The following CCDC70 variants were observed in gnomAD, a reference collection of about 807,000 sequenced individuals.
CCDC70 encodes the protein coiled-coil domain-containing protein 70.
Under a neutral mutation model 9.1 loss-of-function variants are expected in CCDC70, and 4 were observed. The ratio of observed to expected loss-of-function variants is 0.44; its 90% CI spans 0.22 to 1.00. CCDC70 has a LOEUF of 1.00. Among genes scored for constraint, CCDC70 ranks in the 50% least tolerant of loss-of-function variants. The probability of loss-of-function intolerance (pLI) is 0.25; values close to 1 mark genes in which losing one functional copy is unlikely to be tolerated. For missense variants in CCDC70, 308 were observed against 271.3 expected, an observed-to-expected ratio of 1.14 and a Z score of -0.95; for synonymous variants, 119 against 94.0, an observed-to-expected ratio of 1.27 and a Z score of -1.54.
chr13:51,863,672 GACACACACACAC>G (rs35041555), intron 1 of CCDC70, among the ~76,000 whole-genome samples: 3 of 134,298 alleles, frequency 2.2e-5, no homozygotes, highest in Non-Finnish European at 4.9e-5. Flanking sequence ...CGCGCACACA[GACACACACACAC>G]ACACACACAC....
At position 51,865,485 on chromosome 13, in the gene CCDC70, T is replaced by C. The variant is rs373932579; in HGVS notation, c.74T>C (p.Ile25Thr). ...TCCCTGGCGGCATCCTCTCCCAGTATTCGCCAGAAGAAACTAATGCACAAG... is the reference window on the plus strand; with the variant it reads ...TCCCTGGCGGCATCCTCTCCCAGTACTCGCCAGAAGAAACTAATGCACAAG... ...FRSLAASSPS[I>T]RQKKLMHKLQ... is the part of the protein sequence containing the mutation. Residue 25 changes from isoleucine to threonine, a missense_variant, in exon 2 of 2, where the codon ATT (isoleucine) becomes ACT (threonine). Coordinates refer to ENST00000242819, the MANE Select transcript of CCDC70 (RefSeq NM_031290.4). The C allele has an allele frequency of 2.5e-6, 4 of 1,614,082 alleles. No individual in the cohort carries two copies. Among genetic ancestry groups the C allele is most frequent in the East Asian group, 2.2e-5 (1 of 44,892 alleles).
At position 51,866,191 on chromosome 13, in the gene CCDC70, G is replaced by C; in HGVS notation, c.*111G>C. 1.1e-6 allele frequency: 1 copy of C among 940,890 alleles called. No homozygotes were observed. Among genetic ancestry groups the C allele is most frequent in the Non-Finnish European group, 1.5e-6 (1 of 651,132 alleles). 58.3% of individuals were successfully genotyped at this position (940,890 alleles called of 1,614,324 possible). ...ACACACTCATTGGTCTCCTTGCTTT[G>C]AAAGATCCAATAAAGTCCTGAGGCA... is the stretch of plus-strand genomic sequence containing the variant. On this transcript the variant is annotated 3_prime_UTR_variant, in exon 2 of 2. Coordinates refer to ENST00000242819, the MANE Select transcript of CCDC70 (RefSeq NM_031290.4).
At position 51,865,661 on chromosome 13, in the gene CCDC70, G is replaced by A. The variant is rs867701014; in HGVS notation, c.250G>A (p.Glu84Lys). Reference protein sequence around the residue: ...GFWEEERPFWEEEKTFWKEEK... With the variant: ...GFWEEERPFWKEEKTFWKEEK... Reference sequence around the variant, plus strand: ...TTGGGAAGAGGAGAGACCTTTCTGGGAAGAGGAGAAAACCTTCTGGAAAGA... The same window carrying A: ...TTGGGAAGAGGAGAGACCTTTCTGGAAAGAGGAGAAAACCTTCTGGAAAGA... The change falls in exon 2 of 2, where the codon GAA becomes AAA. Residue 84 changes from glutamate to lysine, a missense_variant. By Grantham distance (56) the Glu-to-Lys change is moderately conservative. Coordinates refer to ENST00000242819, the MANE Select transcript of CCDC70 (RefSeq NM_031290.4). 3 of 1,614,206 alleles carry A rather than the reference G, an allele frequency of 1.9e-6. No individual in the cohort carries two copies. Among genetic ancestry groups the A allele is most frequent in the Non-Finnish European group, 2.5e-6 (3 of 1,180,034 alleles).
In CCDC70 at chr13:51,865,647, A is replaced by G. The variant is rs766570527; in HGVS notation, c.236A>G (p.Glu79Gly). ...CAGATCCTGGGTTTTTGGGAAGAGG[A>G]GAGACCTTTCTGGGAAGAGGAGAAA... ...RGQILGFWEE[E>G]RPFWEEEKTF... Residue 79 changes from glutamate (E) to glycine (G), a missense_variant, in exon 2 of 2, where the codon GAG becomes GGG. Physicochemically the swap from Glu to Gly is moderately conservative, Grantham distance 98. Transcript: ENST00000242819. 6.2e-7 allele frequency: 1 copy of G among 1,614,164 alleles called. No individual in the cohort carries two copies. The highest frequency in any genetic ancestry group is 1.1e-5 in the South Asian group (1 of 91,082).
intron 1 of CCDC70, among the ~76,000 whole-genome samples, chr13:51,864,597 T>C (rs1251325045): frequency 6.6e-6 from 1 of 152,250 alleles, no homozygotes; most frequent in Non-Finnish European, 1.5e-5. Context: ...TATTCCACTC[T>C]ATTGGGATGG....
chr13:51,865,858 A>G lies in CCDC70; in HGVS notation c.447A>G (p.Glu149=). The stretch of plus-strand genomic sequence containing the variant: ...AGGACAAGGCCCTGTGGGAGGAAGA[A>G]AAGGCCCTGTGGGTAGAGGAAAGAG... ...LQEDKALWEE[E]KALWVEERAL... Residue 149 remains glutamate, a synonymous_variant, in exon 2 of 2, where the codon GAA becomes GAG. Transcript: ENST00000242819. The G allele has an allele frequency of 6.2e-7, 1 of 1,613,712 alleles. No individual in the cohort carries two copies. Among genetic ancestry groups the G allele is most frequent in the East Asian group, 2.2e-5 (1 of 44,866 alleles).
At position 51,865,487 on chromosome 13, in the gene CCDC70, C is replaced by T. The variant is rs139464280; in HGVS notation, c.76C>T (p.Arg26Cys). Reference sequence around the variant, plus strand: ...CCTGGCGGCATCCTCTCCCAGTATTCGCCAGAAGAAACTAATGCACAAGCT... The same window carrying T: ...CCTGGCGGCATCCTCTCCCAGTATTTGCCAGAAGAAACTAATGCACAAGCT... ...RSLAASSPSIRQKKLMHKLQE... is the reference protein window; with the variant it reads ...RSLAASSPSICQKKLMHKLQE... Residue 26 changes from arginine (R) to cysteine (C), a missense_variant, in exon 2 of 2, where the codon CGC becomes TGC. Coordinates refer to ENST00000242819, the MANE Select transcript of CCDC70 (RefSeq NM_031290.4). 180 of 1,614,052 alleles carry T rather than the reference C, an allele frequency of 1.1e-4. No homozygotes were observed. The highest frequency in any genetic ancestry group is 1.4e-4 in the Non-Finnish European group (166 of 1,180,052).
rs1004494512 is a variant in CCDC70, at chr13:51,865,652, C to T, written c.241C>T (p.Pro81Ser). The change falls in exon 2 of 2, where the codon CCT becomes TCT. Residue 81 changes from proline to serine, a missense_variant. Transcript: ENST00000242819. ...CCTGGGTTTTTGGGAAGAGGAGAGA[C>T]CTTTCTGGGAAGAGGAGAAAACCTT... ...QILGFWEEERPFWEEEKTFWK... is the reference protein window; with the variant it reads ...QILGFWEEERSFWEEEKTFWK... 4 of 1,613,912 alleles carry T rather than the reference C, an allele frequency of 2.5e-6. No homozygotes were observed. The African/African-American group carries it at 5.3e-5, about 22-fold the overall frequency.
intron 1 of CCDC70, among the ~76,000 whole-genome samples, chr13:51,863,249 A>C (rs1956394493): frequency 6.6e-6 from 1 of 152,192 alleles, no homozygotes. Flanking sequence ...AGGGAGAAGC[A>C]AGCTGGAGTT....
In CCDC70 at chr13:51,865,431, G is replaced by A; in HGVS notation, c.20G>A (p.Ser7Asn). The change falls in exon 2 of 2, where the codon AGC becomes AAC. Residue 7 changes from serine to asparagine, a missense_variant. Physicochemically the swap from Ser to Asn is conservative, Grantham distance 46. Transcript: ENST00000242819. MFSFKV[S>N]RWMGLACFRS... ...AGGAAGATGTTTTCCTTCAAGGTGA[G>A]CAGATGGATGGGGCTTGCCTGCTTC... The A allele has an allele frequency of 6.2e-7, 1 of 1,612,794 alleles. No homozygotes were observed. The highest frequency in any genetic ancestry group is 2.2e-5 in the East Asian group (1 of 44,866).
chr13:51,863,665 G>GCACACACA (rs1173463252), intron 1 of CCDC70, among the ~76,000 whole-genome samples: 1 of 103,764 alleles, frequency 9.6e-6, no homozygotes, highest in African/African-American at 4.6e-5. Context: ...ATATGCACGC[G>GCACACACA]CACACAGACA....
Position 51,865,693 on chromosome 13 carries a change from A to C in CCDC70, c.282A>C (p.Lys94Asn). 1 of 1,614,144 alleles carries C rather than the reference A, an allele frequency of 6.2e-7. No individual in the cohort carries two copies. Among genetic ancestry groups the C allele is most frequent in the South Asian group, 1.1e-5 (1 of 91,076 alleles). Residue 94 changes from lysine (K) to asparagine (N), a missense_variant, in exon 2 of 2, where the codon AAA becomes AAC. Coordinates refer to ENST00000242819, the MANE Select transcript of CCDC70 (RefSeq NM_031290.4). ...EEEKTFWKEE[K>N]SFWEMEKSFR... ...AGAAAACCTTCTGGAAAGAGGAAAAATCCTTCTGGGAAATGGAAAAGTCTT... is the reference window on the plus strand; with the variant it reads ...AGAAAACCTTCTGGAAAGAGGAAAACTCCTTCTGGGAAATGGAAAAGTCTT...
intron 1 of CCDC70, among the ~76,000 whole-genome samples, chr13:51,865,126 A>C (rs1268801612): frequency 6.6e-6 from 1 of 152,192 alleles, no homozygotes; most frequent in Admixed American, 6.5e-5. Flanking sequence ...CGTTTTTAGC[A>C]GCCTTGAGCT....
At chr13:51,864,958 C>T (rs1025390519) in intron 1 of CCDC70, among the ~76,000 whole-genome samples, 4 of 152,166 alleles carry the variant, frequency 2.6e-5, no homozygotes, top group African/African-American at 9.7e-5. Context: ...GTGAGCATGC[C>T]CATAGGCAGA....
Position 51,865,366 on chromosome 13 carries a change from C to A in CCDC70, c.-46C>A. 1 of 1,567,502 alleles carries A rather than the reference C, an allele frequency of 6.4e-7. No individual in the cohort carries two copies. The highest frequency in any genetic ancestry group is 8.6e-7 in the Non-Finnish European group (1 of 1,157,774). ...AGCCGACCTGGACCTGGCCAAGGGT[C>A]CTGTCATCCCTCATGGCCACCCCGC... On this transcript the variant is annotated 5_prime_UTR_variant, in exon 2 of 2. Transcript: ENST00000242819.
Position 51,865,612 on chromosome 13 carries a change from T to C in CCDC70, c.201T>C (p.Ala67=). The C allele has an allele frequency of 6.2e-7, 1 of 1,614,094 alleles. No homozygotes were observed. ...GGACTTTCCGAGGCAAGATCCATGC[T>C]TTCCGGGGCCAGATCCTGGGTTTTT... The part of the protein sequence containing the change: ...EMWTFRGKIH[A]FRGQILGFWE... Residue 67 remains alanine (A), a synonymous_variant, in exon 2 of 2, where the codon GCT becomes GCC. Coordinates refer to ENST00000242819, the MANE Select transcript of CCDC70 (RefSeq NM_031290.4).
chr13:51,863,947 C>T, intron 1 of CCDC70, among the ~76,000 whole-genome samples: 1 of 152,162 alleles, frequency 6.6e-6, no homozygotes, highest in East Asian at 1.9e-4. Context: ...TGCACTCTAA[C>T]CACCTTCCTA....
rs747945653 is a variant in CCDC70, at chr13:51,865,753, C to G, written c.342C>G (p.Tyr114Ter). The G allele has an allele frequency of 6.2e-7, 1 of 1,614,078 alleles. No homozygotes were observed. Among genetic ancestry groups the G allele is most frequent in the Admixed American group, 1.7e-5 (1 of 60,016 alleles). The change falls in exon 2 of 2, where the codon TAC becomes TAG. Residue 114 changes from tyrosine to a stop codon, truncating the protein, a stop_gained. Transcript: ENST00000242819. LOFTEE classifies it high-confidence loss of function. The stretch of plus-strand genomic sequence containing the variant: ...AAGAGAAAACTTTCTGGAAAAAGTA[C>G]CGCACTTTCTGGAAGGAGGATAAGG... ...REEEKTFWKK[Y>*]RTFWKEDKAF... is the part of the protein sequence containing the mutation.
intron 1 of CCDC70, 79 bp from the exon 2 acceptor site, chr13:51,865,253 C>G (rs1307192986): frequency 1.5e-6 from 1 of 686,956 alleles, no homozygotes; most frequent in Non-Finnish European, 2.4e-6. Flanking sequence ...TACATTTTCT[C>G]AAATTCAGTA....
Sources: gnomAD v4.1 joint callset for allele counts (sites outside exome capture counted in the v4.1 genomes callset) on GRCh38, gnomAD v4.1.1 for gene constraint, MANE v1.5 for transcripts, NCBI Gene and HGNC (gene_info 2026-07-23, HGNC 2026-07-21) for gene names.